LARGE1: variants seen among roughly 807,000 people sequenced by gnomAD.
The protein encoded by LARGE1 is LARGE xylosyl- and glucuronyltransferase 1.
A neutral mutation model predicts 87.6 loss-of-function variants in LARGE1; 43 were observed. That is an observed-to-expected ratio of 0.49 (90% CI 0.38 to 0.63). The LOEUF (loss-of-function observed/expected upper bound fraction) is 0.63. Among genes scored for constraint, LARGE1 ranks in the 30% least tolerant of loss-of-function variants. The probability of loss-of-function intolerance (pLI) is 0.00; values close to 1 mark genes in which losing one functional copy is unlikely to be tolerated. For missense variants in LARGE1, 802 were observed against 1,000.2 expected (o/e 0.80, Z 2.67); for synonymous variants, 434 against 394.6 (o/e 1.10, Z -1.18).
intron 5 of LARGE1, among the ~76,000 whole-genome samples, chr22:33,582,861 T>A (rs1357060139): frequency 6.6e-6 from 1 of 152,212 alleles, no homozygotes; most frequent in Non-Finnish European, 1.5e-5. Flanking sequence ...GAGAGTGAAT[T>A]CCTTCTGCTA....
chr22:33,846,486 A>G (rs571392420), intron 1 of LARGE1, among the ~76,000 whole-genome samples: 2 of 152,300 alleles, frequency 1.3e-5, no homozygotes, highest in South Asian at 2.1e-4. Context: ...TTTGAACAAT[A>G]TGAAATCTGG....
chr22:33,126,717 G>A, the LARGE1 span, among the ~76,000 whole-genome samples: 1 of 152,210 alleles, frequency 6.6e-6, no homozygotes, highest in Non-Finnish European at 1.5e-5. Context: ...GACATAATGT[G>A]TGGTAAAGCA....
chr22:33,408,671 T>C (rs1287912801), intron 7 of LARGE1, among the ~76,000 whole-genome samples: 1 of 151,696 alleles, frequency 6.6e-6, no homozygotes, highest in African/African-American at 2.4e-5. Context: ...CATATGATTT[T>C]CATGTGCCAC....
chr22:33,266,957 T>C (rs1405402600), intron 11 of LARGE1, among the ~76,000 whole-genome samples: 4 of 151,620 alleles, frequency 2.6e-5, no homozygotes, highest in Non-Finnish European at 4.4e-5. Flanking sequence ...TATCTTCTCA[T>C]GGCCAGTCAC....
intron 1 of LARGE1, among the ~76,000 whole-genome samples, chr22:33,898,228 CA>C (rs1284496216): frequency 6.6e-6 from 1 of 152,100 alleles, no homozygotes; most frequent in Non-Finnish European, 1.5e-5. Flanking sequence ...GGTTGGAAGT[CA>C]AGTGGCCTGA....
At chr22:33,899,010 C>G (rs1220306582) in intron 1 of LARGE1, among the ~76,000 whole-genome samples, 3 of 152,160 alleles carry the variant, frequency 2.0e-5, no homozygotes, top group Admixed American at 2.0e-4. Flanking sequence ...ACCACAAACC[C>G]CTGCTGCTCT....
chr22:33,686,642 T>C (rs1049457027), intron 2 of LARGE1, among the ~76,000 whole-genome samples: 1 of 152,034 alleles, frequency 6.6e-6, no homozygotes, highest in Admixed American at 6.6e-5. Flanking sequence ...CTACTCAGCA[T>C]GTCCATTTGG....
At chr22:33,581,841 C>G (rs1378379900) in intron 5 of LARGE1, among the ~76,000 whole-genome samples, 4 of 151,602 alleles carry the variant, frequency 2.6e-5, no homozygotes, top group Non-Finnish European at 5.9e-5. Flanking sequence ...AGAATCTGAC[C>G]CATCAGTGTC....
intron 6 of LARGE1, among the ~76,000 whole-genome samples, chr22:33,558,544 T>C (rs1459683462): frequency 1.3e-5 from 2 of 151,844 alleles, no homozygotes; most frequent in East Asian, 1.9e-4. Context: ...AGGTCAAGAG[T>C]GGTTCAATGA....
rs570649283 is a variant in LARGE1, at chr22:33,747,302, C to T, written c.106+14069G>A. On this transcript the variant is annotated intron_variant, in intron 2 of 14. Coordinates refer to ENST00000397394, the MANE Select transcript of LARGE1 (RefSeq NM_133642.5). ...ACAGGTCCCTGCCTACCCTTCCTGA[C>T]CTCATCCACCATGTTGCTTCTCCTC... 2.0e-5 allele frequency among the ~76,000 whole-genome samples: 3 copies of T among 152,146 alleles called. No individual in the cohort carries two copies. The East Asian group carries it at 5.8e-4, about 30-fold the overall frequency.
intron 9 of LARGE1, among the ~76,000 whole-genome samples, chr22:33,368,639 T>G (rs1180746844): frequency 2.6e-5 from 4 of 152,068 alleles, no homozygotes; most frequent in African/African-American, 4.8e-5. Flanking sequence ...TCTGTGTGTG[T>G]GTGTGCCTGT....
At chr22:33,128,641 T>C in the LARGE1 span, among the ~76,000 whole-genome samples, 21 of 137,674 alleles carry the variant, frequency 1.5e-4, no homozygotes, top group African/African-American at 5.2e-4. Context: ...GCCATTGCAC[T>C]CCAGCCTGGG....
intron 2 of LARGE1, among the ~76,000 whole-genome samples, chr22:33,741,081 G>T (rs961488985): frequency 6.6e-6 from 1 of 152,188 alleles, no homozygotes; most frequent in Non-Finnish European, 1.5e-5. Context: ...CTACTAGTTT[G>T]GGATTCATAA....
intron 7 of LARGE1, among the ~76,000 whole-genome samples, chr22:33,416,045 T>C (rs2066474789): frequency 6.6e-6 from 1 of 152,180 alleles, no homozygotes; most frequent in African/African-American, 2.4e-5. Flanking sequence ...TGCCAGCTAT[T>C]TCCCATTCAT....
intron 1 of LARGE1, among the ~76,000 whole-genome samples, chr22:33,802,692 G>A (rs2086196682): frequency 6.6e-6 from 1 of 152,110 alleles, no homozygotes; most frequent in African/African-American, 2.4e-5. Flanking sequence ...AAGGTGAATT[G>A]GGCATGTGTA....
chr22:33,854,726 G>A lies in LARGE1; in HGVS notation c.-83+65269C>T, dbSNP rs557293134. ...CAAAGACATTCTGTGTTACTGGTCT[G>A]AAGAGACACAGAAGGAATCTTGGGA... On this transcript the variant is annotated intron_variant, in intron 1 of 14. Coordinates refer to ENST00000397394, the MANE Select transcript of LARGE1 (RefSeq NM_133642.5). Among the ~76,000 whole-genome samples the A allele has an allele frequency of 2.6e-4, 39 of 152,168 alleles. No individual in the cohort carries two copies. In the South Asian group the frequency reaches 7.5e-3, roughly 29 times the overall value.
chr22:33,224,483 T>TA (rs1288086854), intron 11 of LARGE1, among the ~76,000 whole-genome samples: 1 of 151,976 alleles, frequency 6.6e-6, no homozygotes, highest in Non-Finnish European at 1.5e-5. Flanking sequence ...GTGATTTGAG[T>TA]AAAAAACCTA....
chr22:33,200,562 C>A (rs1029713330), intron 11 of LARGE1, among the ~76,000 whole-genome samples: 3 of 151,712 alleles, frequency 2.0e-5, no homozygotes, highest in Non-Finnish European at 2.9e-5. Context: ...CAGCATTATT[C>A]ATGTTAGTCA....
At chr22:33,244,185 C>T (rs914281006) in intron 11 of LARGE1, among the ~76,000 whole-genome samples, 9 of 151,302 alleles carry the variant, frequency 5.9e-5, no homozygotes, top group South Asian at 2.1e-4. Context: ...TTAGTAGAGA[C>T]GGGGCTTCAC....
Sources: allele counts gnomAD v4.1 joint callset (sites outside exome capture counted in the v4.1 genomes callset), GRCh38; gene constraint gnomAD v4.1.1; transcripts MANE v1.5; gene names NCBI Gene and HGNC (gene_info 2026-07-23, HGNC 2026-07-21).